STRA6: variants seen among roughly 807,000 people sequenced by gnomAD.
STRA6 encodes signaling receptor and transporter of retinol STRA6, also known as receptor for retinol uptake STRA6.
STRA6 carries 48 observed loss-of-function variants against 83.6 expected under a neutral mutation model. That is an observed-to-expected ratio of 0.57 (90% CI 0.46 to 0.73). The LOEUF (loss-of-function observed/expected upper bound fraction) is 0.73, where lower values mean the gene tolerates loss of function less well. STRA6 is among the 30% of genes least tolerant of loss of function. The pLI is 0.00. For synonymous variants in STRA6, 353 were observed against 362.3 expected (o/e 0.97, Z 0.29); for missense variants, 760 against 838.8 (o/e 0.91, Z 1.16).
At chr15:74,202,974 C>G (rs569883835), upstream of STRA6, 5 of 986,670 alleles carry the variant, frequency 5.1e-6, no homozygotes, top group Non-Finnish European at 6.0e-6. Context: ...GAGCCACCCC[C>G]ACCCCCGCAC....
chr15:74,185,083 G>A (rs2073176808), intron 12 of STRA6, 28 bp from the exon 13 acceptor site: 3 of 1,611,462 alleles, frequency 1.9e-6, no homozygotes, highest in African/African-American at 1.3e-5. Context: ...AGCAAAGTGA[G>A]AGGTCAGGGT....
chr15:74,191,404 G>A lies in STRA6; in HGVS notation c.788+20C>T, dbSNP rs775019412. 6.2e-7 allele frequency: 1 copy of A among 1,613,226 alleles called. No individual in the cohort carries two copies. Among genetic ancestry groups the A allele is most frequent in the African/African-American group, 1.3e-5 (1 of 75,034 alleles). Reference sequence around the variant, plus strand: ...CCAGCCCAATCCATTGGCCCACAAAGGGTGTGTCAGAGACCCCACCTGCTT... The same window carrying A: ...CCAGCCCAATCCATTGGCCCACAAAAGGTGTGTCAGAGACCCCACCTGCTT... On this transcript the variant is annotated intron_variant, in intron 9 of 18. Transcript: ENST00000395105.
upstream of STRA6, chr15:74,209,115 G>C: frequency 7.6e-7 from 1 of 1,309,192 alleles, no homozygotes. Flanking sequence ...CCTTGATTCC[G>C]GGATCAGAGG....
chr15:74,209,569 C>T, upstream of STRA6: 2 of 795,022 alleles, frequency 2.5e-6, no homozygotes, highest in Non-Finnish European at 3.9e-6. Context: ...GAAAAAGGCC[C>T]CCTCGGAGCT....
chr15:74,202,252 C>T lies in STRA6; in HGVS notation c.16G>A (p.Ala6Thr). 6.5e-7 allele frequency: 1 copy of T among 1,541,268 alleles called. No individual in the cohort carries two copies. Among genetic ancestry groups the T allele is most frequent in the Non-Finnish European group, 8.7e-7 (1 of 1,149,786 alleles). Residue 6 changes from alanine (A) to threonine (T), a missense_variant, in exon 2 of 19, where the codon GCA becomes ACA. Transcript: ENST00000395105. MSSQPAGNQTSPGATE... is the reference protein window; with the variant it reads MSSQPTGNQTSPGATE... ...GCCCCGGGGGAGGTCTGGTTCCCTG[C>T]TGGCTGGGACGACATTCTCTGGCCC...
upstream of STRA6, among the ~76,000 whole-genome samples, chr15:74,210,621 T>C (rs1365831532): frequency 6.6e-6 from 1 of 152,232 alleles, no homozygotes; most frequent in East Asian, 1.9e-4. Context: ...ATGCATATTT[T>C]AAAACTCATA....
rs1428443759 is a variant in STRA6 at position 74,180,845 on chromosome 15, T to C, written c.1777A>G (p.Ser593Gly). ...AFCSLLLQAQ[S>G]LLPRTMAAPQ... ...GCTGCCATGGTCCTGGGTAGGAGGC[T>C]CTGCGCTTGCAGGAGCAGGGAGCAG... The change falls in exon 18 of 19, where the codon AGC becomes GGC. Residue 593 changes from serine (S) to glycine (G), a missense_variant. Physicochemically the swap from Ser to Gly is moderately conservative, Grantham distance 56. Coordinates refer to ENST00000395105, the MANE Select transcript of STRA6 (RefSeq NM_022369.4). 4 of 1,614,086 alleles carry C rather than the reference T, an allele frequency of 2.5e-6. No homozygotes were observed. Among genetic ancestry groups the C allele is most frequent in the Middle Eastern group, 1.7e-4 (1 of 6,060 alleles).
chr15:74,184,664 C>T (rs2142006902), intron 13 of STRA6, among the ~76,000 whole-genome samples: 1 of 152,348 alleles, frequency 6.6e-6, no homozygotes, highest in South Asian at 2.1e-4. Context: ...GTGCAGCTTC[C>T]CCAGGCCACC....
At chr15:74,209,582 C>A (rs960203632), upstream of STRA6, 2 of 718,388 alleles carry the variant, frequency 2.8e-6, no homozygotes, top group Non-Finnish European at 4.5e-6. Flanking sequence ...TCGGAGCTTT[C>A]TCTTCTATTT....
At chr15:74,199,359 G>A (rs1165155155) in intron 2 of STRA6, among the ~76,000 whole-genome samples, 1 of 147,756 alleles carries the variant, frequency 6.8e-6, no homozygotes, top group African/African-American at 2.4e-5. Context: ...TTCTTGGCCA[G>A]GAGACCAGCC....
intron 1 of STRA6, among the ~76,000 whole-genome samples, chr15:74,208,311 T>A (rs2074308836): frequency 6.6e-6 from 1 of 152,086 alleles, no homozygotes; most frequent in Admixed American, 6.5e-5. Flanking sequence ...TTCGGAGGAC[T>A]AGACACAAGG....
upstream of STRA6, chr15:74,207,724 C>T (rs1187163006): frequency 6.5e-7 from 1 of 1,535,698 alleles, no homozygotes; most frequent in African/African-American, 1.4e-5. Flanking sequence ...CTTGAGAGTC[C>T]ATGAATAAGC....
At chr15:74,183,358 G>T in intron 14 of STRA6, 1 of 288,050 alleles carries the variant, frequency 3.5e-6, no homozygotes, top group Non-Finnish European at 5.7e-6. Context: ...CGATTCTCCT[G>T]CCTCATCCTC....
intron 4 of STRA6, 140 bp from the exon 5 acceptor site, chr15:74,196,287 C>T: frequency 7.6e-7 from 1 of 1,324,108 alleles, no homozygotes. Flanking sequence ...TTCATTCATT[C>T]ATTCCATAGA....
Position 74,202,744 on chromosome 15 carries a change from A to T in STRA6, c.-47T>A. 8.1e-7 allele frequency: 1 copy of T among 1,236,328 alleles called. No homozygotes were observed. The highest frequency in any genetic ancestry group is 4.0e-5 in the Admixed American group (1 of 25,310). 76.6% of individuals were successfully genotyped at this position (1,236,328 alleles called of 1,614,324 possible). ...GGAGGCCCAGGGAGGAAGGAGTTGC[A>T]GAGATGAAAGGGTAGGCAGCCCACG... On this transcript the variant is annotated 5_prime_UTR_variant, in exon 1 of 19. Coordinates refer to ENST00000395105, the MANE Select transcript of STRA6 (RefSeq NM_022369.4).
intron 7 of STRA6, 80 bp from the exon 8 acceptor site, chr15:74,194,002 C>A (rs753913633): frequency 6.3e-7 from 1 of 1,585,560 alleles, no homozygotes; most frequent in Non-Finnish European, 8.6e-7. Flanking sequence ...CCCTTCCCAC[C>A]TCACACTGGG....
chr15:74,180,710 G>A, intron 18 of STRA6, 72 bp downstream of exon 18: 16 of 1,533,184 alleles, frequency 1.0e-5, no homozygotes, highest in African/African-American at 2.7e-5. Flanking sequence ...CTGTGTGCTG[G>A]GGAGGGGCAC....
chr15:74,197,836 G>A lies in STRA6; in HGVS notation c.114-18C>T. On this transcript the variant is annotated intron_variant, in intron 2 of 18. Transcript: ENST00000395105. Reference sequence around the variant, plus strand: ...GCACTTCCCTGCAGAGCAAATGAAGGCTGGCTCAGGCCTGCGTCAGGCCCC... The same window carrying A: ...GCACTTCCCTGCAGAGCAAATGAAGACTGGCTCAGGCCTGCGTCAGGCCCC... 1.2e-6 allele frequency: 2 copies of A among 1,611,668 alleles called. No individual in the cohort carries two copies. Among genetic ancestry groups the A allele is most frequent in the South Asian group, 1.1e-5 (1 of 91,050 alleles).
intron 3 of STRA6, 111 bp downstream of exon 3, chr15:74,197,641 C>A (rs571848789): frequency 7.0e-7 from 1 of 1,424,178 alleles, no homozygotes. Flanking sequence ...ATAGCTCCCC[C>A]CACCCAGGAT....
Sources: gnomAD v4.1 joint callset for allele counts (sites outside exome capture counted in the v4.1 genomes callset) on GRCh38, gnomAD v4.1.1 for gene constraint, MANE v1.5 for transcripts, NCBI Gene and HGNC (gene_info 2026-07-23, HGNC 2026-07-21) for gene names.